The following KAT6A variants were observed in gnomAD, a reference collection of about 807,000 sequenced individuals.
The protein encoded by KAT6A is histone acetyltransferase KAT6A.
In KAT6A, 9 loss-of-function variants were observed where a neutral mutation model predicts 198.4. That is an observed-to-expected ratio of 0.05 (90% CI 0.03 to 0.08). The LOEUF (loss-of-function observed/expected upper bound fraction) is 0.08, where lower values mean the gene tolerates loss of function less well. Ranked by LOEUF, KAT6A falls within the 10% of genes least tolerant of loss-of-function variation. The probability of loss-of-function intolerance (pLI) is 1.00; values close to 1 mark genes in which losing one functional copy is unlikely to be tolerated. For missense variants in KAT6A, 2,077 were observed against 2,509.9 expected (o/e 0.83, Z 3.69); for synonymous variants, 890 against 883.0 (o/e 1.01, Z -0.14).
chr8:41,929,974 A>AT lies in KAT6A; in HGVS notation c.*2230dup, dbSNP rs997749291. ...ACCCAAGTTATCTTGCTAAAAATAC[A>AT]TTTTTTTTAAACAGAAGTGAAAAAA... On this transcript the variant is annotated 3_prime_UTR_variant, in exon 17 of 17. Transcript: ENST00000265713. 10 of 219,302 alleles carry AT rather than the reference A, an allele frequency of 4.6e-5. No homozygotes were observed. The highest frequency in any genetic ancestry group is 1.8e-4 in the South Asian group (1 of 5,406). 13.6% of individuals were successfully genotyped at this position (219,302 alleles called of 1,614,324 possible).
At position 41,930,682 on chromosome 8, in the gene KAT6A, A is replaced by ATGTGTGTGTGTGTG. The variant is rs1167805914; in HGVS notation, c.*1509_*1522dup. 3.3e-5 allele frequency: 3 copies of ATGTGTGTGTGTGTG among 91,758 alleles called. No homozygotes were observed. Among genetic ancestry groups the ATGTGTGTGTGTGTG allele is most frequent in the Admixed American group, 1.4e-4 (1 of 7,086 alleles). The allele number at this position is 91,758 out of a possible 1,614,324, so 5.7% of individuals were successfully genotyped here. ...AATGATGGAATATATATATATATAT[A>ATGTGTGTGTGTGTG]TGTGTGTGTGTGTGTGTGTGTGTGT... On this transcript the variant is annotated 3_prime_UTR_variant, in exon 17 of 17. Transcript: ENST00000265713.
intron 12 of KAT6A, among the ~76,000 whole-genome samples, chr8:41,945,273 CTTTT>C (rs566905953): frequency 2.2e-5 from 3 of 139,470 alleles, no homozygotes; most frequent in South Asian, 2.3e-4. Flanking sequence ...AGGTATAGTA[CTTTT>C]TTTTTTTTTT....
intron 8 of KAT6A, among the ~76,000 whole-genome samples, chr8:41,967,762 T>C (rs1465727648): frequency 1.3e-5 from 2 of 152,144 alleles, no homozygotes; most frequent in East Asian, 3.9e-4. Context: ...AACATACGTG[T>C]GCATGTGACA....
rs1352709936 is a variant in KAT6A at position 42,048,891 on chromosome 8, T to C, written c.87A>G (p.Glu29=). Reference sequence around the variant, plus strand: ...AAGACACAGCATTGCATATCCTTTCTTCTGAAGGACGCTGTTTCTGCTTTT... The same window carrying C: ...AAGACACAGCATTGCATATCCTTTCCTCTGAAGGACGCTGTTTCTGCTTTT... The part of the protein sequence containing the change: ...KVKKQKQRPS[E]ERICNAVSSS... Residue 29 remains glutamate, a synonymous_variant, in exon 2 of 17, where the codon GAA becomes GAG. Transcript: ENST00000265713. The C allele has an allele frequency of 4.3e-6, 7 of 1,614,074 alleles. No homozygotes were observed. In the African/African-American group the frequency reaches 5.3e-5, roughly 12 times the overall value.
intron 9 of KAT6A, among the ~76,000 whole-genome samples, chr8:41,949,867 C>A (rs1235009391): frequency 3.3e-5 from 5 of 152,250 alleles, no homozygotes; most frequent in South Asian, 4.1e-4. Context: ...CGCTTTTTCC[C>A]AACTTTCCTG....
rs1823972692 is a variant in KAT6A, at chr8:41,974,891, G to C, written c.1364-69C>G. Reference sequence around the variant, plus strand: ...AATACATGAACTAGAAAAAATTTCAGGTCTTTATTTCAATTTGAAGAACTT... The same window carrying C: ...AATACATGAACTAGAAAAAATTTCACGTCTTTATTTCAATTTGAAGAACTT... On this transcript the variant is annotated intron_variant, in intron 7 of 16. Transcript: ENST00000265713. 3.3e-6 allele frequency: 3 copies of C among 902,112 alleles called. No homozygotes were observed. In the African/African-American group the frequency reaches 5.1e-5, roughly 15 times the overall value. 55.9% of individuals were successfully genotyped at this position (902,112 alleles called of 1,614,324 possible).
intron 2 of KAT6A, among the ~76,000 whole-genome samples, chr8:42,011,288 C>T (rs10113248): frequency 0.56 from 85,618 of 152,026 alleles, 24,544 homozygotes; most frequent in African/African-American, 0.65. Flanking sequence ...AAACCACTGA[C>T]ACATTTTGCA....
chr8:41,987,663 T>A, intron 2 of KAT6A, 100 bp from the exon 3 acceptor site: 2 of 771,358 alleles, frequency 2.6e-6, no homozygotes, highest in Admixed American at 2.2e-5. Flanking sequence ...CAGAGTAAGT[T>A]TAGGACAATT....
chr8:41,979,728 C>A (rs143806736), intron 5 of KAT6A, among the ~76,000 whole-genome samples: 1 of 151,784 alleles, frequency 6.6e-6, no homozygotes, highest in South Asian at 2.1e-4. Context: ...AGGCTGGGCG[C>A]GGTGGCTCAT....
rs140133665 is a variant in KAT6A, at chr8:41,989,101, G to C, written c.601-1538C>G. 2.8e-3 allele frequency among the ~76,000 whole-genome samples: 433 copies of C among 152,250 alleles called. 2 individuals are homozygous for C. Among genetic ancestry groups the C allele is most frequent in the Admixed American group, 0.01 (153 of 15,274 alleles). ...GTACCCTTTGACTTAAGTTTTTCCA[G>C]AAGTATTTAACAGGCAGCCCCACCA... On this transcript the variant is annotated intron_variant, in intron 2 of 16. Coordinates refer to ENST00000265713, the MANE Select transcript of KAT6A (RefSeq NM_006766.5).
intron 15 of KAT6A, among the ~76,000 whole-genome samples, chr8:41,939,766 C>A (rs536977921): frequency 6.6e-6 from 1 of 152,236 alleles, no homozygotes; most frequent in African/African-American, 2.4e-5. Context: ...CACATGACTA[C>A]TAAATGTAAT....
intron 1 of KAT6A, among the ~76,000 whole-genome samples, chr8:42,051,610 T>A (rs1802656774): frequency 7.0e-6 from 1 of 142,620 alleles, no homozygotes; most frequent in Non-Finnish European, 1.5e-5. Flanking sequence ...GCCGGCGGGA[T>A]CGGGGGCGCG....
At chr8:42,051,867 G>A (rs1802681722) in intron 1 of KAT6A, 34 bp downstream of exon 1, 1 of 149,370 alleles carries the variant, frequency 6.7e-6, no homozygotes, top group Admixed American at 6.6e-5. Flanking sequence ...CTGGGCGGCC[G>A]GGGGCGGCCG....
At chr8:41,937,623 A>C in intron 15 of KAT6A, 55 bp from the exon 16 acceptor site, 1 of 1,382,498 alleles carries the variant, frequency 7.2e-7, no homozygotes, top group Non-Finnish European at 9.9e-7. Flanking sequence ...TTTTCTATTA[A>C]TAATACGAAA....
chr8:42,025,264 T>G (rs1280029910), intron 2 of KAT6A, among the ~76,000 whole-genome samples: 2 of 152,034 alleles, frequency 1.3e-5, no homozygotes, highest in African/African-American at 4.8e-5. Flanking sequence ...CAGGCTGGAG[T>G]GCAGTGGCAT....
Position 42,035,156 on chromosome 8 carries a change from G to A in KAT6A, c.600+13222C>T, listed in dbSNP as rs142651705. 6.6e-3 allele frequency among the ~76,000 whole-genome samples: 1,012 copies of A among 152,332 alleles called. 17 individuals are homozygous for A. Among genetic ancestry groups the A allele is most frequent in the African/African-American group, 0.022 (914 of 41,568 alleles). ...GGTTAAATAAGAGATGTTAAAAAGT[G>A]TAAGAGAGAAGACATGGGATGGAAT... On this transcript the variant is annotated intron_variant, in intron 2 of 16. Coordinates refer to ENST00000265713, the MANE Select transcript of KAT6A (RefSeq NM_006766.5).
chr8:41,947,657 G>T, intron 11 of KAT6A, 94 bp downstream of exon 11: 1 of 964,782 alleles, frequency 1.0e-6, no homozygotes, highest in Non-Finnish European at 1.6e-6. Context: ...CACCTAGGAG[G>T]TGCTGCATCT....
Position 41,942,801 on chromosome 8 carries a change from C to G in KAT6A, c.2428G>C (p.Glu810Gln). ...EEPQCQEREL[E>Q]ISVGKSVSHE... ...ACTATTCATGCCCTTACACTGATCT[C>G]TAATTCTCTTTCCTGGCACTGTGGC... The change falls in exon 14 of 17, where the codon GAG becomes CAG. Residue 810 changes from glutamate (E) to glutamine (Q), a missense_variant. Glu to Gln is a conservative substitution (Grantham distance 29). Transcript: ENST00000265713. The G allele has an allele frequency of 6.2e-7, 1 of 1,614,182 alleles. No homozygotes were observed. The highest frequency in any genetic ancestry group is 8.5e-7 in the Non-Finnish European group (1 of 1,180,026).
chr8:41,947,922 TAAAC>T lies in KAT6A; in HGVS notation c.1741-14_1741-11del. 6.3e-7 allele frequency: 1 copy of T among 1,585,260 alleles called. No homozygotes were observed. Among genetic ancestry groups the T allele is most frequent in the Non-Finnish European group, 8.5e-7 (1 of 1,171,374 alleles). The stretch of plus-strand genomic sequence containing the variant: ...TCACATTCCCATCAACCTAGAGAAA[TAAAC>T]AGAACAAAACAGTCAGTAGAGGGTC... On this transcript the variant is annotated splice_polypyrimidine_tract_variant and intron_variant, in intron 10 of 16. Coordinates refer to ENST00000265713, the MANE Select transcript of KAT6A (RefSeq NM_006766.5).
Sources: gnomAD v4.1 joint callset for allele counts (sites outside exome capture counted in the v4.1 genomes callset) on GRCh38, gnomAD v4.1.1 for gene constraint, MANE v1.5 for transcripts, NCBI Gene and HGNC (gene_info 2026-07-23, HGNC 2026-07-21) for gene names.